The following LARGE1 variants were observed in gnomAD, a reference collection of about 807,000 sequenced individuals.
The protein encoded by LARGE1 is xylosyl- and glucuronyltransferase LARGE1.
A neutral mutation model predicts 87.6 loss-of-function variants in LARGE1; 43 were observed. That is an observed-to-expected ratio of 0.49 (90% CI 0.38 to 0.63). The LOEUF (loss-of-function observed/expected upper bound fraction) is 0.63, where lower values mean the gene tolerates loss of function less well. LARGE1 is among the 30% of genes least tolerant of loss of function. The probability of loss-of-function intolerance (pLI) is 0.00; values close to 1 mark genes in which losing one functional copy is unlikely to be tolerated. For missense variants in LARGE1, 802 were observed against 1,000.2 expected (o/e 0.80, Z 2.67); for synonymous variants, 434 against 394.6 (o/e 1.10, Z -1.18).
At chr22:33,084,285 C>T in the LARGE1 span, among the ~76,000 whole-genome samples, 4 of 152,078 alleles carry the variant, frequency 2.6e-5, no homozygotes, top group South Asian at 2.1e-4. Context: ...TTATGATTGG[C>T]TGTTTCTGTG....
chr22:33,278,909 G>A (rs374707067), intron 13 of LARGE1, among the ~76,000 whole-genome samples: 14 of 151,980 alleles, frequency 9.2e-5, no homozygotes, highest in African/African-American at 2.9e-4. Flanking sequence ...TAGTAGACAC[G>A]GGGTTTCACC....
At chr22:33,814,299 A>G (rs1302932020) in intron 1 of LARGE1, among the ~76,000 whole-genome samples, 1 of 152,180 alleles carries the variant, frequency 6.6e-6, no homozygotes, top group African/African-American at 2.4e-5. Flanking sequence ...CAAGCAAATG[A>G]TGCTTTTCCA....
intron 11 of LARGE1, among the ~76,000 whole-genome samples, chr22:33,241,499 G>A (rs908703927): frequency 2.6e-4 from 39 of 151,796 alleles, no homozygotes; most frequent in Admixed American, 2.4e-3. Context: ...TGTATTAAGT[G>A]AATGGATAAA....
intron 4 of LARGE1, among the ~76,000 whole-genome samples, chr22:33,624,327 T>C (rs1221271658): frequency 6.6e-6 from 1 of 152,168 alleles, no homozygotes; most frequent in Non-Finnish European, 1.5e-5. Context: ...ACAGCAGACC[T>C]GTCATTAATA....
chr22:33,093,453 G>A, the LARGE1 span, among the ~76,000 whole-genome samples: 1 of 152,216 alleles, frequency 6.6e-6, no homozygotes, highest in African/African-American at 2.4e-5. Context: ...GGGAGAGGTA[G>A]AGGAGGGAGA....
chr22:33,639,729 G>A (rs950319329), intron 3 of LARGE1, among the ~76,000 whole-genome samples: 5 of 152,104 alleles, frequency 3.3e-5, no homozygotes, highest in East Asian at 1.9e-4. Flanking sequence ...GACCTGAACC[G>A]GAAAGGCAAG....
intron 1 of LARGE1, among the ~76,000 whole-genome samples, chr22:33,824,120 T>C (rs556749830): frequency 3.3e-5 from 5 of 152,210 alleles, no homozygotes; most frequent in East Asian, 1.9e-4. Context: ...ACATGCCCGA[T>C]TGAGTTTTGC....
intron 5 of LARGE1, among the ~76,000 whole-genome samples, chr22:33,588,781 A>G (rs2078752911): frequency 1.3e-5 from 2 of 152,090 alleles, no homozygotes; most frequent in African/African-American, 4.8e-5. Context: ...CGAATCCTAC[A>G]CTCTTAGTAT....
At position 33,720,840 on chromosome 22, in the gene LARGE1, C is replaced by T. The variant is rs1324729797; in HGVS notation, c.106+40531G>A. On this transcript the variant is annotated intron_variant, in intron 2 of 14. Coordinates refer to ENST00000397394, the MANE Select transcript of LARGE1 (RefSeq NM_133642.5). ...CTGGTCTGCTGATCTGGTGTCACGG[C>T]AGAGATGATTCCTAAGAAAAGATAA... 2.6e-5 allele frequency among the ~76,000 whole-genome samples: 4 copies of T among 152,128 alleles called. No homozygotes were observed. The East Asian group carries it at 5.8e-4, about 22-fold the overall frequency.
chr22:33,732,111 C>T (rs1419385881), intron 2 of LARGE1: 1 of 152,102 alleles, frequency 6.6e-6, no homozygotes, highest in Non-Finnish European at 1.5e-5. Context: ...GCTTCGGTAG[C>T]CCCAGGTTAG....
At chr22:33,748,625 C>G (rs1039608269) in intron 2 of LARGE1, among the ~76,000 whole-genome samples, 1 of 152,184 alleles carries the variant, frequency 6.6e-6, no homozygotes, top group Admixed American at 6.5e-5. Context: ...TGTGGACACA[C>G]AGCATTTAAA....
chr22:33,447,446 G>C (rs1053873145), intron 6 of LARGE1, among the ~76,000 whole-genome samples: 1 of 151,824 alleles, frequency 6.6e-6, no homozygotes, highest in Non-Finnish European at 1.5e-5. Flanking sequence ...CGGGAGGTGA[G>C]AGTGCTTGTC....
rs560592765 is a variant in LARGE1, at chr22:33,230,482, A to G, written c.1731-63650T>C. ...ATTAGAAGGACCCTGAAAATCAGAG[A>G]AAAAAACAGTATTTATAAACCTAGA... On this transcript the variant is annotated intron_variant, in intron 11 of 11. Coordinates refer to the LARGE1 transcript ENST00000608642. 3.9e-5 allele frequency among the ~76,000 whole-genome samples: 6 copies of G among 152,274 alleles called. No homozygotes were observed. The South Asian group carries it at 1.0e-3, about 26-fold the overall frequency.
chr22:33,835,482 T>TAA (rs1386618492), intron 1 of LARGE1, among the ~76,000 whole-genome samples: 2 of 152,132 alleles, frequency 1.3e-5, no homozygotes, highest in African/African-American at 4.8e-5. Flanking sequence ...GCATTCAGGA[T>TAA]AAAAACCGAA....
intron 12 of LARGE1, among the ~76,000 whole-genome samples, chr22:33,288,449 A>G (rs775852088): frequency 3.9e-5 from 6 of 152,178 alleles, no homozygotes; most frequent in Non-Finnish European, 7.3e-5. Flanking sequence ...AGCTCTGTCA[A>G]TCTATCAGTA....
intron 5 of LARGE1, among the ~76,000 whole-genome samples, chr22:33,590,763 A>G (rs1454961004): frequency 6.6e-6 from 1 of 152,206 alleles, no homozygotes; most frequent in Non-Finnish European, 1.5e-5. Context: ...CCAGTTCTTC[A>G]GCTGACAGTC....
At chr22:33,516,418 T>C (rs1389446969) in intron 6 of LARGE1, among the ~76,000 whole-genome samples, 1 of 152,084 alleles carries the variant, frequency 6.6e-6, no homozygotes, top group African/African-American at 2.4e-5. Flanking sequence ...CTTGGTTTAA[T>C]GGCTTGCTAT....
intron 2 of LARGE1, among the ~76,000 whole-genome samples, chr22:33,683,879 G>A (rs1470660125): frequency 1.3e-5 from 2 of 152,136 alleles, no homozygotes; most frequent in African/African-American, 4.8e-5. Flanking sequence ...GGGTCCAGAA[G>A]TACTAGAATG....
chr22:33,611,516 C>T (rs111499622), intron 4 of LARGE1, among the ~76,000 whole-genome samples: 123 of 152,308 alleles, frequency 8.1e-4, no homozygotes, highest in African/African-American at 2.7e-3. Context: ...AGAGTGTTGA[C>T]CTCATGCCTG....
Sources: allele counts gnomAD v4.1 joint callset (sites outside exome capture counted in the v4.1 genomes callset), GRCh38; gene constraint gnomAD v4.1.1; transcripts MANE v1.5; gene names NCBI Gene and HGNC (gene_info 2026-07-23, HGNC 2026-07-21).